Variants in COL16A1 observed in about 807,000 individuals in gnomAD.
The protein encoded by COL16A1 is collagen type XVI alpha 1 chain, also known as collagen alpha-1(XVI) chain.
Under a neutral mutation model 266.3 loss-of-function variants are expected in COL16A1, and 189 were observed. The observed-to-expected ratio is 0.71, with a 90% CI of 0.63 to 0.80. The LOEUF (loss-of-function observed/expected upper bound fraction) is 0.80, where lower values mean the gene tolerates loss of function less well. Among genes scored for constraint, COL16A1 ranks in the 30% least tolerant of loss-of-function variants. The pLI is 0.00. For synonymous variants in COL16A1, 740 were observed against 782.3 expected (o/e 0.95, Z 0.90); for missense variants, 1,928 against 2,122.4 (o/e 0.91, Z 1.80).
At position 31,686,236 on chromosome 1, in the gene COL16A1, ATACT is replaced by A; in HGVS notation, c.1839+4_1839+7del. 5 of 1,614,172 alleles carry A rather than the reference ATACT, an allele frequency of 3.1e-6. No homozygotes were observed. The highest frequency in any genetic ancestry group is 4.2e-6 in the Non-Finnish European group (5 of 1,180,036). On this transcript the variant is annotated splice_donor_5th_base_variant and intron_variant, in intron 27 of 70. Coordinates refer to ENST00000373672, the MANE Select transcript of COL16A1 (RefSeq NM_001856.4). The stretch of plus-strand genomic sequence containing the variant: ...CTCCCAAGCTGTTGCCATCCAAAAC[ATACT>A]TACTGGACTGCCAGCTGGCCCTGCC...
rs150850217 is a variant in COL16A1, at chr1:31,653,774, CAT to C, written c.4534+91_4534+92del. On this transcript the variant is annotated intron_variant, in intron 69 of 70. Transcript: ENST00000373672. The stretch of plus-strand genomic sequence containing the variant: ...ACACACACACACACACACACACACA[CAT>C]ACATCCCATATTCACAACAGACCTC... The C allele has an allele frequency of 4.9e-4, 772 of 1,561,120 alleles. No individual in the cohort carries two copies. In the African/African-American group the frequency reaches 9.6e-3, roughly 19 times the overall value.
chr1:31,693,850 A>C (rs1462655307), intron 12 of COL16A1, among the ~76,000 whole-genome samples: 1 of 152,182 alleles, frequency 6.6e-6, no homozygotes, highest in Non-Finnish European at 1.5e-5. Context: ...CCTGAAGTAA[A>C]ATGATAGCAC....
At chr1:31,666,928 G>T (rs965940410) in intron 52 of COL16A1, among the ~76,000 whole-genome samples, 2 of 152,164 alleles carry the variant, frequency 1.3e-5, no homozygotes, top group South Asian at 2.1e-4. Flanking sequence ...GGGCAACTGC[G>T]CTCTGTTCAT....
chr1:31,684,829 C>T lies in COL16A1; in HGVS notation c.2044G>A (p.Gly682Arg), dbSNP rs1412303204. The change falls in exon 30 of 71, where the codon GGG (glycine) becomes AGG (arginine). Residue 682 changes from glycine to arginine, a missense_variant. Around this residue, in one of 2 missense-constraint regions of COL16A1, gnomAD observed 1,552 missense variants for 1,637.2 expected, o/e 0.95. Coordinates refer to ENST00000373672, the MANE Select transcript of COL16A1 (RefSeq NM_001856.4). ...CACGGACGCCCTCTCACCTTCTGCC[C>T]CTTCAGTCCACGCTCTCCAGCCTTG... ...QGKAGERGLK[G>R]QKGDAGNPGD... The T allele has an allele frequency of 2.5e-6, 4 of 1,614,012 alleles. No individual in the cohort carries two copies. Among genetic ancestry groups the T allele is most frequent in the African/African-American group, 2.7e-5 (2 of 74,926 alleles).
At chr1:31,671,403 G>A (rs1411076680) in intron 48 of COL16A1, among the ~76,000 whole-genome samples, 5 of 152,164 alleles carry the variant, frequency 3.3e-5, no homozygotes, top group African/African-American at 4.8e-5. Flanking sequence ...AAGCAGGACC[G>A]CAGGCAGTAG....
chr1:31,694,263 C>T (rs1570577456), intron 11 of COL16A1, 93 bp from the exon 12 acceptor site: 4 of 1,061,400 alleles, frequency 3.8e-6, no homozygotes, highest in East Asian at 2.7e-5. Flanking sequence ...GGTCACACAG[C>T]ATGGTAGCAG....
chr1:31,655,580 C>T, intron 66 of COL16A1, 78 bp from the exon 67 acceptor site: 1 of 1,576,986 alleles, frequency 6.3e-7, no homozygotes. Context: ...TCCACCCTCC[C>T]ACCAGGCCCC....
chr1:31,680,089 C>A lies in COL16A1; in HGVS notation c.2623G>T (p.Glu875Ter). The A allele has an allele frequency of 6.2e-7, 1 of 1,613,650 alleles. No individual in the cohort carries two copies. The highest frequency in any genetic ancestry group is 8.5e-7 in the Non-Finnish European group (1 of 1,179,812). The change falls in exon 40 of 71, where the codon GAG becomes TAG. Residue 875 changes from glutamate (E) to a stop codon, truncating the protein, a stop_gained. Coordinates refer to ENST00000373672, the MANE Select transcript of COL16A1 (RefSeq NM_001856.4). LOFTEE classifies it high-confidence loss of function. ...GPRGEKGEPGECSCPSQGDLI... is the reference protein window; with the variant it reads ...GPRGEKGEPG ...TCTCCTTGAGAGGGGCAGGAGCACT[C>A]CCCTGGCTCACCCTGAAAATACAAG...
Position 31,691,465 on chromosome 1 carries a change from C to T in COL16A1, c.1350G>A (p.Gly450=), listed in dbSNP as rs779172599. 2 of 1,613,230 alleles carry T rather than the reference C, an allele frequency of 1.2e-6. No individual in the cohort carries two copies. The highest frequency in any genetic ancestry group is 1.7e-6 in the Non-Finnish European group (2 of 1,179,552). ...CAGGGGGTCCAGGGAGGCCGGGGGG[C>T]CCAGGCTCTCCTGCCAGCCCCTCAG... ...VGPEGLAGEP[G]PPGLPGPPGI... Residue 450 remains glycine (G), a synonymous_variant, in exon 19 of 71, where the codon GGG becomes GGA. Coordinates refer to ENST00000373672, the MANE Select transcript of COL16A1 (RefSeq NM_001856.4).
At position 31,690,395 on chromosome 1, in the gene COL16A1, T is replaced by A. The variant is rs1319210503; in HGVS notation, c.1483-2A>T. The A allele has an allele frequency of 6.2e-7, 1 of 1,614,072 alleles. No homozygotes were observed. The highest frequency in any genetic ancestry group is 1.1e-5 in the South Asian group (1 of 91,078). On this transcript the variant is annotated splice_acceptor_variant, in intron 21 of 70. Transcript: ENST00000373672. LOFTEE classifies it high-confidence loss of function. ...CTCTCCCTTCACACCTGGCTTCCCC[T>A]GTTAGAAAAGAGGCAATGGGCATCA...
intron 66 of COL16A1, chr1:31,655,720 A>G: frequency 5.3e-6 from 4 of 750,454 alleles, no homozygotes; most frequent in Non-Finnish European, 8.3e-6. Context: ...TGGCTCCCAA[A>G]TGTCCTCAGG....
At position 31,667,856 on chromosome 1, in the gene COL16A1, C is replaced by T. The variant is rs371098837; in HGVS notation, c.3304-228G>A. Among the ~76,000 whole-genome samples the T allele has an allele frequency of 2.1e-3, 317 of 152,230 alleles. 1 individual carries two copies. Among genetic ancestry groups the T allele is most frequent in the African/African-American group, 7.4e-3 (306 of 41,522 alleles). On this transcript the variant is annotated intron_variant, in intron 51 of 70. Transcript: ENST00000373672. Reference sequence around the variant, plus strand: ...CACCCAGCAGCTTCTGTGGGGGTGGCACCTCTAAGCTGTCTCTCCAATCTC... The same window carrying T: ...CACCCAGCAGCTTCTGTGGGGGTGGTACCTCTAAGCTGTCTCTCCAATCTC...
rs750963964 is a variant in COL16A1 at position 31,693,157 on chromosome 1, G to A, written c.1009-3C>T. ...AGGCCCCGCTCACCTTTCCCTCCCT[G>A]AGAGTGAAACCAGAATGGAAGATAG... On this transcript the variant is annotated splice_polypyrimidine_tract_variant and splice_region_variant and intron_variant, in intron 12 of 70. Transcript: ENST00000373672. 6.2e-7 allele frequency: 1 copy of A among 1,603,626 alleles called. No individual in the cohort carries two copies. Among genetic ancestry groups the A allele is most frequent in the Admixed American group, 1.7e-5 (1 of 59,980 alleles).
In COL16A1 at chr1:31,685,241, C is replaced by A. The variant is rs1643910838; in HGVS notation, c.2017-385G>T. ...TGAAAGCAGTAACAGTGATAATAAC[C>A]ACAGTGGTAACTGCCATTTCCCCAG... On this transcript the variant is annotated intron_variant, in intron 29 of 70. Transcript: ENST00000373672. This position sits in a 1 kb window ranked among gnomAD's most constrained non-coding sequence, Gnocchi z 4.0. Among the ~76,000 whole-genome samples, 1 of 152,200 alleles carries A rather than the reference C, an allele frequency of 6.6e-6. No individual in the cohort carries two copies. Among genetic ancestry groups the A allele is most frequent in the Non-Finnish European group, 1.5e-5 (1 of 68,034 alleles).
intron 66 of COL16A1, 162 bp from the exon 67 acceptor site, chr1:31,655,664 C>G (rs1179374515): frequency 1.6e-6 from 2 of 1,239,866 alleles, no homozygotes; most frequent in Non-Finnish European, 2.2e-6. Context: ...AGTGGTCCTT[C>G]TAGAAGACAG....
chr1:31,691,303 C>T (rs1478752170), intron 19 of COL16A1, 77 bp from the exon 20 acceptor site: 2 of 1,597,222 alleles, frequency 1.3e-6, no homozygotes, highest in African/African-American at 2.7e-5. Context: ...CTCACCCTCT[C>T]CTCCAGCCAG....
chr1:31,669,010 G>A (rs1336729591), intron 49 of COL16A1, among the ~76,000 whole-genome samples, 155 bp from the exon 50 acceptor site: 2 of 152,012 alleles, frequency 1.3e-5, no homozygotes, highest in Non-Finnish European at 2.9e-5. Context: ...ACCCGTAATG[G>A]GTGTGCTCCA....
At position 31,666,052 on chromosome 1, in the gene COL16A1, G is replaced by T. The variant is rs749485282; in HGVS notation, c.3387C>A (p.Gly1129=). ...PGPPGSEGLP[G]PPGPAGPRGE... ...CTTCACTCACCGCTGGGCCTGGGGG[G>T]CCTGGGAGGCCTTCAGATCCTGGGG... The change falls in exon 53 of 71, where the codon GGC becomes GGA. Residue 1129 remains glycine, a synonymous_variant. Transcript: ENST00000373672. 3 of 1,612,788 alleles carry T rather than the reference G, an allele frequency of 1.9e-6. No individual in the cohort carries two copies. Among genetic ancestry groups the T allele is most frequent in the African/African-American group, 2.7e-5 (2 of 74,746 alleles).
chr1:31,665,378 C>G, intron 55 of COL16A1, 144 bp from the exon 56 acceptor site: 1 of 1,423,110 alleles, frequency 7.0e-7, no homozygotes, highest in South Asian at 1.3e-5. Context: ...ATTACGTCTG[C>G]CTGGCCTGCT....
Sources: allele counts gnomAD v4.1 joint callset (sites outside exome capture counted in the v4.1 genomes callset), GRCh38; gene constraint gnomAD v4.1.1; regional missense constraint gnomAD v4.1.1; non-coding constraint Gnocchi (gnomAD v3.1); transcripts MANE v1.5; gene names NCBI Gene and HGNC (gene_info 2026-07-23, HGNC 2026-07-21).